The following CPED1 variants were observed in gnomAD, a reference collection of about 807,000 sequenced individuals.
CPED1 encodes cadherin like and PC-esterase domain containing 1.
Under a neutral mutation model 128.2 loss-of-function variants are expected in CPED1, and 114 were observed. The observed-to-expected ratio is 0.89, with a 90% confidence interval of 0.76 to 1.04. CPED1 has a LOEUF of 1.04. CPED1 is among the 50% of genes least tolerant of loss of function. The pLI is 0.00. For synonymous variants in CPED1, 462 were observed against 426.7 expected, an observed-to-expected ratio of 1.08 and a Z score of -1.02; for missense variants, 1,211 against 1,207.1, an observed-to-expected ratio of 1.00 and a Z score of -0.05.
chr7:121,089,661 T>C (rs1794527808), intron 5 of CPED1, among the ~76,000 whole-genome samples: 1 of 152,208 alleles, frequency 6.6e-6, no homozygotes, highest in South Asian at 2.1e-4. Context: ...AAAATATTCC[T>C]GAGAAAAAAG....
intron 2 of CPED1, among the ~76,000 whole-genome samples, chr7:121,007,084 T>G (rs1792036117): frequency 6.6e-6 from 1 of 152,144 alleles, no homozygotes; most frequent in African/African-American, 2.4e-5. Context: ...TTCTTAGTTT[T>G]GCCTTTAATT....
At chr7:121,053,078 G>T (rs1793400417) in intron 4 of CPED1, among the ~76,000 whole-genome samples, 1 of 152,024 alleles carries the variant, frequency 6.6e-6, no homozygotes, top group African/African-American at 2.4e-5. Flanking sequence ...ATAATACAAA[G>T]ATTTTTCCAA....
chr7:121,242,631 T>G (rs1798423246), intron 17 of CPED1, among the ~76,000 whole-genome samples: 1 of 152,182 alleles, frequency 6.6e-6, no homozygotes, highest in Non-Finnish European at 1.5e-5. Context: ...AAAGCAGTTT[T>G]CTGTAATCCT....
At chr7:121,292,724 T>C (rs776380305) in intron 22 of CPED1, among the ~76,000 whole-genome samples, 20 of 152,206 alleles carry the variant, frequency 1.3e-4, no homozygotes, top group Admixed American at 4.6e-4. Context: ...TTTTTGTTGA[T>C]GTTGATGCTA....
intron 5 of CPED1, among the ~76,000 whole-genome samples, chr7:121,074,082 C>A (rs1378066652): frequency 6.6e-6 from 1 of 152,000 alleles, no homozygotes; most frequent in Non-Finnish European, 1.5e-5. Flanking sequence ...GTATAATGAG[C>A]CTTAAAGATC....
At chr7:121,110,919 A>G (rs1170049243) in intron 7 of CPED1, among the ~76,000 whole-genome samples, 3 of 152,330 alleles carry the variant, frequency 2.0e-5, no homozygotes, top group African/African-American at 7.2e-5. Context: ...AGTCTAAAAA[A>G]GGAGAAATGT....
chr7:121,209,682 C>T (rs773981218), intron 16 of CPED1, among the ~76,000 whole-genome samples: 24 of 151,986 alleles, frequency 1.6e-4, no homozygotes, highest in Non-Finnish European at 2.1e-4. Context: ...CTCTCCAGAA[C>T]ATTGGTCTGA....
At chr7:121,176,855 C>T (rs1388727252) in intron 16 of CPED1, among the ~76,000 whole-genome samples, 1 of 152,030 alleles carries the variant, frequency 6.6e-6, no homozygotes, top group African/African-American at 2.4e-5. Flanking sequence ...TATTTATATT[C>T]TTTCTATCAC....
At chr7:121,067,073 G>A (rs1793847216) in intron 5 of CPED1, among the ~76,000 whole-genome samples, 1 of 151,736 alleles carries the variant, frequency 6.6e-6, no homozygotes, top group Non-Finnish European at 1.5e-5. Context: ...AGGGGGTGGG[G>A]TGCAGTCCTA....
chr7:121,171,061 TA>T (rs58392760), intron 16 of CPED1, among the ~76,000 whole-genome samples: 65,553 of 148,278 alleles, frequency 0.44, 15,484 homozygotes, highest in East Asian at 0.84. Context: ...AATAAATACA[TA>T]AAAAAAAAAA....
intron 16 of CPED1, among the ~76,000 whole-genome samples, chr7:121,188,318 G>A (rs1162523985): frequency 3.3e-5 from 5 of 151,996 alleles, no homozygotes; most frequent in African/African-American, 1.2e-4. Context: ...TACATATATG[G>A]AGTACATGAG....
At chr7:121,087,416 C>T (rs971446979) in intron 5 of CPED1, among the ~76,000 whole-genome samples, 2 of 152,142 alleles carry the variant, frequency 1.3e-5, no homozygotes, top group Non-Finnish European at 2.9e-5. Context: ...CTTCAAACAA[C>T]ATAATAAAGA....
chr7:121,278,286 C>T (rs28431976), intron 22 of CPED1, among the ~76,000 whole-genome samples: 17,262 of 151,836 alleles, frequency 0.11, 3,255 homozygotes, highest in African/African-American at 0.39. Flanking sequence ...GGAGAAAGGC[C>T]CCTGAGGAGC....
chr7:121,076,300 C>T (rs549633148), intron 5 of CPED1, among the ~76,000 whole-genome samples: 2 of 152,076 alleles, frequency 1.3e-5, no homozygotes, highest in African/African-American at 4.8e-5. Flanking sequence ...ACATAATTAA[C>T]CATTTTAAAT....
At chr7:121,079,626 G>A (rs1034740737) in intron 5 of CPED1, among the ~76,000 whole-genome samples, 2 of 152,238 alleles carry the variant, frequency 1.3e-5, no homozygotes, top group Non-Finnish European at 2.9e-5. Flanking sequence ...TTGGCATCAG[G>A]CCAGTTTAAA....
chr7:121,136,007 T>C, intron 13 of CPED1, 33 bp from the exon 14 acceptor site: 2 of 1,439,158 alleles, frequency 1.4e-6, no homozygotes, highest in South Asian at 1.4e-5. Context: ...TTAATGGTTT[T>C]TATTTTAAAT....
intron 15 of CPED1, among the ~76,000 whole-genome samples, chr7:121,141,576 G>A (rs1795904969): frequency 6.6e-6 from 1 of 152,026 alleles, no homozygotes; most frequent in Non-Finnish European, 1.5e-5. Context: ...AAAGATTCAA[G>A]TCAGGACAAC....
chr7:120,988,960 G>A (rs1376362386), intron 1 of CPED1, 48 bp downstream of exon 1: 1 of 152,176 alleles, frequency 6.6e-6, no homozygotes, highest in Non-Finnish European at 1.5e-5. Flanking sequence ...ACAAATTCAA[G>A]CAAAAACCCT....
intron 5 of CPED1, among the ~76,000 whole-genome samples, chr7:121,078,805 T>C (rs1584496059): frequency 6.6e-6 from 1 of 152,142 alleles, no homozygotes; most frequent in African/African-American, 2.4e-5. Flanking sequence ...GCTGCTCCCA[T>C]GGGCACTGTA....
Sources: gnomAD v4.1 joint callset for allele counts (sites outside exome capture counted in the v4.1 genomes callset) on GRCh38, gnomAD v4.1.1 for gene constraint, MANE v1.5 for transcripts, NCBI Gene and HGNC (gene_info 2026-07-23, HGNC 2026-07-21) for gene names.